The following ANKRD12 variants were observed in gnomAD, a reference collection of about 807,000 sequenced individuals.
The protein encoded by ANKRD12 is ankyrin repeat domain-containing protein 12.
ANKRD12 carries 85 observed loss-of-function variants against 183.4 expected under a neutral mutation model. The ratio of observed to expected loss-of-function variants is 0.46; its 90% CI spans 0.39 to 0.56. The LOEUF (loss-of-function observed/expected upper bound fraction) is 0.56. ANKRD12 is among the 20% of genes least tolerant of loss of function. The pLI is 0.00. For missense variants in ANKRD12, 2,405 were observed against 2,357.1 expected, an observed-to-expected ratio of 1.02 and a Z score of -0.42; for synonymous variants, 914 against 800.2, an observed-to-expected ratio of 1.14 and a Z score of -2.40.
chr18:9,151,092 A>C (rs1017573045), intron 1 of ANKRD12, among the ~76,000 whole-genome samples: 5 of 152,362 alleles, frequency 3.3e-5, no homozygotes, highest in African/African-American at 4.8e-5. Flanking sequence ...AAATATGATA[A>C]AGAGAGCATG....
At chr18:9,166,737 C>G (rs1168730245) in intron 1 of ANKRD12, among the ~76,000 whole-genome samples, 2 of 152,098 alleles carry the variant, frequency 1.3e-5, no homozygotes, top group Non-Finnish European at 2.9e-5. Flanking sequence ...TCCCATTTGT[C>G]AATTTTGGCT....
At position 9,154,907 on chromosome 18, in the gene ANKRD12, A is replaced by G. The variant is rs184228342; in HGVS notation, c.-52+17942A>G. Among the ~76,000 whole-genome samples, 316 of 152,336 alleles carry G rather than the reference A, an allele frequency of 2.1e-3. 1 individual carries two copies. The highest frequency in any genetic ancestry group is 3.6e-3 in the Admixed American group (55 of 15,306). ...ATTAGATATCCATGTGAAGATGTCA[A>G]GTGGGTATTTACATACACAAATCTG... On this transcript the variant is annotated intron_variant, in intron 1 of 12. Transcript: ENST00000262126.
At chr18:9,155,529 G>A (rs7504603) in intron 1 of ANKRD12, among the ~76,000 whole-genome samples, 84,706 of 152,004 alleles carry the variant, frequency 0.56, 24,669 homozygotes, top group South Asian at 0.75. Context: ...AAATTTTTAT[G>A]GTTTCTGCCA....
Position 9,170,500 on chromosome 18 carries a change from C to T in ANKRD12, c.-51-11882C>T, listed in dbSNP as rs184513304. Among the ~76,000 whole-genome samples the T allele has an allele frequency of 6.4e-3, 982 of 152,270 alleles. 7 individuals are homozygous for T. Among genetic ancestry groups the T allele is most frequent in the Middle Eastern group, 0.017 (5 of 294 alleles). Reference sequence around the variant, plus strand: ...TACCCTTTCTTCCAGTTGATCGCATCGGCTGCTGAGACTTCTGCATTCGTC... The same window carrying T: ...TACCCTTTCTTCCAGTTGATCGCATTGGCTGCTGAGACTTCTGCATTCGTC... On this transcript the variant is annotated intron_variant, in intron 1 of 12. Coordinates refer to ENST00000262126, the MANE Select transcript of ANKRD12 (RefSeq NM_015208.5).
intron 1 of ANKRD12, among the ~76,000 whole-genome samples, chr18:9,172,202 T>C (rs2032807063): frequency 6.6e-6 from 1 of 152,104 alleles, no homozygotes; most frequent in African/African-American, 2.4e-5. Flanking sequence ...ATCTGATGAT[T>C]ATGTTTCTTG....
chr18:9,218,091 AT>A (rs2036212366), intron 7 of ANKRD12, among the ~76,000 whole-genome samples: 1 of 152,184 alleles, frequency 6.6e-6, no homozygotes, highest in South Asian at 2.1e-4. Flanking sequence ...AGAATGAATG[AT>A]TTTCCTTTGA....
intron 1 of ANKRD12, among the ~76,000 whole-genome samples, chr18:9,171,505 G>C (rs377081663): frequency 3.9e-5 from 6 of 152,182 alleles, no homozygotes; most frequent in Admixed American, 3.3e-4. Context: ...TTGTTTATGT[G>C]GTTGCTTTAT....
intron 1 of ANKRD12, among the ~76,000 whole-genome samples, chr18:9,174,088 G>C (rs2033025518): frequency 6.6e-6 from 1 of 152,208 alleles, no homozygotes; most frequent in African/African-American, 2.4e-5. Flanking sequence ...GCCACGATCT[G>C]GCACAGCAGC....
At position 9,272,815 on chromosome 18, in the gene ANKRD12, G is replaced by A. The variant is rs182655726; in HGVS notation, c.5764-2709G>A. On this transcript the variant is annotated intron_variant, in intron 10 of 12. Transcript: ENST00000262126. ...GTCATATAAGAATTAAGTTAATTAG[G>A]ACCATGTTTCTTTGTTTTTTTCATG... Among the ~76,000 whole-genome samples, 171 of 152,182 alleles carry A rather than the reference G, an allele frequency of 1.1e-3. 2 individuals are homozygous for A. The highest frequency in any genetic ancestry group is 3.9e-3 in the African/African-American group (162 of 41,510).
intron 1 of ANKRD12, among the ~76,000 whole-genome samples, chr18:9,140,355 A>G (rs868366307): frequency 6.6e-6 from 1 of 152,178 alleles, no homozygotes; most frequent in Non-Finnish European, 1.5e-5. Context: ...TTTTACAGAT[A>G]ACTCCTGTAG....
Position 9,255,304 on chromosome 18 carries a change from G to A in ANKRD12, c.2037G>A (p.Lys679=), listed in dbSNP as rs115501479. The A allele has an allele frequency of 5.5e-4, 872 of 1,588,374 alleles. 4 individuals are homozygous for A. The African/African-American group carries it at 0.011, about 20-fold the overall frequency. ...IEGEKEKYKT[K]DSAKELQRSV... ...GTGAAAAGGAAAAATACAAAACTAA[G>A]GATAGTGCCAAAGAACTGCAGAGGA... Residue 679 remains lysine, a synonymous_variant, in exon 9 of 13, where the codon AAG becomes AAA. Transcript: ENST00000262126.
chr18:9,147,344 C>G (rs1020340113), intron 1 of ANKRD12, among the ~76,000 whole-genome samples: 7 of 151,958 alleles, frequency 4.6e-5, no homozygotes, highest in Non-Finnish European at 1.0e-4. Context: ...GTGAGCAATA[C>G]TTAAGATTAG....
At position 9,282,364 on chromosome 18, in the gene ANKRD12, T is replaced by C. The variant is rs1310019678; in HGVS notation, c.*1238T>C. The C allele has an allele frequency of 2.6e-5, 4 of 152,572 alleles. No individual in the cohort carries two copies. Among genetic ancestry groups the C allele is most frequent in the Non-Finnish European group, 5.9e-5 (4 of 67,980 alleles). The allele number at this position is 152,572 out of a possible 1,614,324, so 9.5% of individuals were successfully genotyped here. On this transcript the variant is annotated 3_prime_UTR_variant, in exon 13 of 13. Transcript: ENST00000262126. ...AATGTTTATGAAAAACAGGTTAATA[T>C]GTTGTATTTTTTTCCTTGTATCAAG...
intron 1 of ANKRD12, among the ~76,000 whole-genome samples, chr18:9,150,922 G>A (rs1334512157): frequency 6.6e-6 from 1 of 151,802 alleles, no homozygotes; most frequent in African/African-American, 2.4e-5. Context: ...CAAAGTGCTG[G>A]GATTACAGGT....
intron 2 of ANKRD12, among the ~76,000 whole-genome samples, chr18:9,190,440 A>G (rs1365110747): frequency 6.6e-6 from 1 of 152,250 alleles, no homozygotes; most frequent in Non-Finnish European, 1.5e-5. Flanking sequence ...TTGAAATGAC[A>G]GCAAATAATT....
chr18:9,209,712 A>T (rs2035680122), intron 5 of ANKRD12, among the ~76,000 whole-genome samples: 1 of 152,186 alleles, frequency 6.6e-6, no homozygotes, highest in African/African-American at 2.4e-5. Flanking sequence ...TCTGTGACCA[A>T]ATTAAAGTCA....
chr18:9,227,450 C>G (rs1357369092), intron 8 of ANKRD12, among the ~76,000 whole-genome samples: 1 of 152,122 alleles, frequency 6.6e-6, no homozygotes, highest in Non-Finnish European at 1.5e-5. Context: ...GATTCCAGGT[C>G]TGGGGCAGGA....
intron 1 of ANKRD12, among the ~76,000 whole-genome samples, chr18:9,164,871 C>T (rs1056515121): frequency 6.6e-6 from 1 of 152,158 alleles, no homozygotes; most frequent in Non-Finnish European, 1.5e-5. Flanking sequence ...AATATATAAT[C>T]TGTTGTTTTT....
chr18:9,234,800 G>A (rs1156938745), intron 8 of ANKRD12, among the ~76,000 whole-genome samples: 4 of 152,134 alleles, frequency 2.6e-5, no homozygotes, highest in African/African-American at 9.7e-5. Flanking sequence ...TCTCCAAATC[G>A]CTGCCCACAC....
Sources: allele counts gnomAD v4.1 joint callset (sites outside exome capture counted in the v4.1 genomes callset), GRCh38; gene constraint gnomAD v4.1.1; transcripts MANE v1.5; gene names NCBI Gene and HGNC (gene_info 2026-07-23, HGNC 2026-07-21).